TENM2: variants seen among roughly 807,000 people sequenced by gnomAD.
TENM2 encodes the protein teneurin-2.
Under a neutral mutation model 245.2 loss-of-function variants are expected in TENM2, and 52 were observed. The ratio of observed to expected loss-of-function variants is 0.21; its 90% CI spans 0.17 to 0.27. The LOEUF (loss-of-function observed/expected upper bound fraction) is 0.27. Among genes scored for constraint, TENM2 ranks in the 10% least tolerant of loss-of-function variants. The pLI is 1.00. For missense variants in TENM2, 3,046 were observed against 3,666.8 expected (o/e 0.83, Z 4.37); for synonymous variants, 1,363 against 1,438.9 (o/e 0.95, Z 1.19).
At position 168,227,878 on chromosome 5, in the gene TENM2, C is replaced by CA; in HGVS notation, c.5285-16dup. 1 of 1,529,902 alleles carries CA rather than the reference C, an allele frequency of 6.5e-7. No individual in the cohort carries two copies. Among genetic ancestry groups the CA allele is most frequent in the Non-Finnish European group, 9.0e-7 (1 of 1,113,088 alleles). The allele number at this position is 1,529,902 out of a possible 1,614,324, so 94.8% of individuals were successfully genotyped here. A position where few individuals can be genotyped will look rare whatever the true frequency, so the allele number is the denominator to read the frequency against. ...TAATTTATTTCCCTATCCCCACCCC[C>CA]ACTTACATTTTTCCAGATCAAGTTC... On this transcript the variant is annotated splice_polypyrimidine_tract_variant and intron_variant, in intron 24 of 28. Coordinates refer to ENST00000518659, the Ensembl canonical transcript of TENM2.
At chr5:167,119,812 C>T in the TENM2 span, among the ~76,000 whole-genome samples, 2 of 152,204 alleles carry the variant, frequency 1.3e-5, no homozygotes, top group Admixed American at 1.3e-4. Flanking sequence ...AGAGATGAAT[C>T]ACCCAGCATG....
chr5:167,683,038 C>G (rs187807694), intron 2 of TENM2, among the ~76,000 whole-genome samples: 5 of 152,266 alleles, frequency 3.3e-5, no homozygotes, highest in Admixed American at 1.3e-4. Context: ...ATATATATCT[C>G]AAGACATTAC....
At chr5:167,288,916 A>G (rs192723062) in intron 1 of TENM2, among the ~76,000 whole-genome samples, 1 of 152,336 alleles carries the variant, frequency 6.6e-6, no homozygotes, top group Admixed American at 6.5e-5. Flanking sequence ...GATCTATGAA[A>G]TTCACTTTCT....
chr5:168,262,666 G>A (rs755946705), exon 29 of TENM2: 5 of 1,608,172 alleles, frequency 3.1e-6, no homozygotes, highest in Non-Finnish European at 8.5e-7. Context: ...TGTGGACTGA[G>A]GGCGAGAAGC....
At chr5:168,144,270 G>A (rs1254752887) in intron 12 of TENM2, among the ~76,000 whole-genome samples, 11 of 151,804 alleles carry the variant, frequency 7.2e-5, no homozygotes, top group African/African-American at 1.2e-4. Context: ...ATGCTGGTGC[G>A]CTGCACCCAC....
At chr5:167,363,968 T>C (rs1225398837) in intron 1 of TENM2, among the ~76,000 whole-genome samples, 1 of 151,914 alleles carries the variant, frequency 6.6e-6, no homozygotes, top group East Asian at 1.9e-4. Flanking sequence ...GTTTAGTACA[T>C]AACAGTGAAT....
exon 25 of TENM2, chr5:168,228,076 C>A (rs781707882): frequency 3.7e-6 from 6 of 1,613,658 alleles, no homozygotes; most frequent in East Asian, 2.2e-5. Context: ...TTGAGTGGCG[C>A]CTAAGAAAGG....
the TENM2 span, among the ~76,000 whole-genome samples, chr5:167,203,103 A>G: frequency 6.6e-6 from 1 of 152,176 alleles, no homozygotes; most frequent in Admixed American, 6.5e-5. Flanking sequence ...CTACCCTACA[A>G]TATTGCCTCC....
At chr5:167,212,807 C>A in the TENM2 span, among the ~76,000 whole-genome samples, 2 of 152,146 alleles carry the variant, frequency 1.3e-5, no homozygotes, top group African/African-American at 4.8e-5. Flanking sequence ...CCAGAATTTT[C>A]TGATGTTATC....
At chr5:168,151,713 G>A (rs1189707386) in intron 12 of TENM2, among the ~76,000 whole-genome samples, 1 of 152,188 alleles carries the variant, frequency 6.6e-6, no homozygotes, top group Admixed American at 6.5e-5. Flanking sequence ...GGTGACTGAG[G>A]TGACCTGATG....
rs1183041610 is a variant in TENM2, at chr5:168,233,049, C to T, written c.5520+4919C>T. On this transcript the variant is annotated intron_variant, in intron 25 of 28. Coordinates refer to ENST00000518659, the Ensembl canonical transcript of TENM2. ...GGCCTTGCAAAAACATGAAGCAGGC[C>T]GGGCGTGGTGTCTCACGCCTGTAAT... Among the ~76,000 whole-genome samples the T allele has an allele frequency of 8.5e-5, 13 of 152,294 alleles. 2 individuals are homozygous for T. The South Asian group carries it at 1.7e-3, about 19-fold the overall frequency.
chr5:167,336,985 C>T (rs532366734), intron 1 of TENM2, among the ~76,000 whole-genome samples: 53 of 150,360 alleles, frequency 3.5e-4, no homozygotes, highest in African/African-American at 1.2e-3. Flanking sequence ...GGCGCGGTGG[C>T]GGGCGCCTGT....
chr5:167,158,857 T>TTCCA, the TENM2 span, among the ~76,000 whole-genome samples: 1 of 127,202 alleles, frequency 7.9e-6, no homozygotes, highest in Middle Eastern at 3.8e-3. Flanking sequence ...CCTTCCTTCC[T>TTCCA]TCCTTCCTTC....
intron 2 of TENM2, among the ~76,000 whole-genome samples, chr5:167,671,032 A>T (rs534485331): frequency 6.6e-6 from 1 of 152,124 alleles, no homozygotes; most frequent in Non-Finnish European, 1.5e-5. Flanking sequence ...AAATATGACA[A>T]TAAATGTGTA....
rs1765125542 is a variant in TENM2, at chr5:167,445,339, A to ATATATATATATATATATATATATG, written c.502+69866_502+69867insTATATATATATATATATATATATG. On this transcript the variant is annotated intron_variant, in intron 2 of 28. Coordinates refer to ENST00000518659, the Ensembl canonical transcript of TENM2. ...TATATATATATATATATATATATAG[A>ATATATATATATATATATATATATG]GAGAGAGAGAGAGAGAGAGAGAGAG... Among the ~76,000 whole-genome samples, 5 of 72,210 alleles carry ATATATATATATATATATATATATG rather than the reference A, an allele frequency of 6.9e-5. No individual in the cohort carries two copies. In the South Asian group the frequency reaches 2.9e-3, roughly 42 times the overall value. The allele number at this position is 72,210 out of a possible 152,430, so 47.4% of individuals were successfully genotyped here. A position where few individuals can be genotyped will look rare whatever the true frequency, so the allele number is the denominator to read the frequency against.
the TENM2 span, among the ~76,000 whole-genome samples, chr5:167,084,979 A>G: frequency 1.9e-4 from 29 of 152,196 alleles, no homozygotes; most frequent in African/African-American, 7.0e-4. Flanking sequence ...AATTCAAATG[A>G]TAGAATTATT....
chr5:168,181,479 C>T (rs546429500), intron 13 of TENM2, among the ~76,000 whole-genome samples: 13 of 152,212 alleles, frequency 8.5e-5, no homozygotes, highest in African/African-American at 2.2e-4. Flanking sequence ...ACTGGGGCCT[C>T]CTCTCTGCCA....
chr5:167,003,905 A>T, the TENM2 span, among the ~76,000 whole-genome samples: 12 of 152,164 alleles, frequency 7.9e-5, no homozygotes, highest in Non-Finnish European at 1.5e-4. Flanking sequence ...TACTTAGAAA[A>T]TATACTCAAC....
intron 2 of TENM2, among the ~76,000 whole-genome samples, chr5:167,686,435 A>C (rs927755278): frequency 6.6e-6 from 1 of 152,186 alleles, no homozygotes. Context: ...TCTGCAACCC[A>C]AACGTTGCTT....
Sources: gnomAD v4.1 joint callset for allele counts (sites outside exome capture counted in the v4.1 genomes callset) on GRCh38, gnomAD v4.1.1 for gene constraint, MANE v1.5 for transcripts, NCBI Gene and HGNC (gene_info 2026-07-23, HGNC 2026-07-21) for gene names.